CFDP1: variants seen among roughly 807,000 people sequenced by gnomAD.
CFDP1 encodes the protein chromatin remodeling protein CFDP1.
CFDP1 carries 31 observed loss-of-function variants against 40.1 expected under a neutral mutation model. The observed-to-expected ratio is 0.77, with a 90% CI of 0.58 to 1.04. The LOEUF (loss-of-function observed/expected upper bound fraction) is 1.04. Among genes scored for constraint, CFDP1 ranks in the 50% least tolerant of loss-of-function variants. CFDP1 has a pLI of 0.00. For missense variants in CFDP1, 423 were observed against 343.4 expected, an observed-to-expected ratio of 1.23 and a Z score of -1.83; for synonymous variants, 167 against 120.0, an observed-to-expected ratio of 1.39 and a Z score of -2.56.
chr16:75,310,385 G>A (rs2078287630), intron 5 of CFDP1, among the ~76,000 whole-genome samples: 1 of 152,072 alleles, frequency 6.6e-6, no homozygotes, highest in Non-Finnish European at 1.5e-5. Flanking sequence ...CATAACACCA[G>A]ACACCAACCA....
intron 5 of CFDP1, among the ~76,000 whole-genome samples, chr16:75,338,878 A>G (rs1669400752): frequency 6.6e-6 from 1 of 152,110 alleles, no homozygotes; most frequent in South Asian, 2.1e-4. Flanking sequence ...CTTGCGTGTT[A>G]CCAGAAGACT....
intron 6 of CFDP1, among the ~76,000 whole-genome samples, chr16:75,296,657 G>A (rs1016016909): frequency 6.6e-6 from 1 of 152,232 alleles, no homozygotes; most frequent in Admixed American, 6.5e-5. Context: ...CAAGAGTGAA[G>A]CCCAGGTTGG....
chr16:75,302,993 A>G (rs2078231300), intron 6 of CFDP1, among the ~76,000 whole-genome samples: 1 of 152,182 alleles, frequency 6.6e-6, no homozygotes, highest in South Asian at 2.1e-4. Flanking sequence ...CGAGGTCAGG[A>G]GTTTGAGACC....
chr16:75,323,227 TA>T (rs1270697879), intron 5 of CFDP1, among the ~76,000 whole-genome samples: 1,743 of 143,500 alleles, frequency 0.012, 35 homozygotes, highest in African/African-American at 0.038. Flanking sequence ...TTTTTAACGT[TA>T]AAAAAAAAAA....
chr16:75,380,043 C>G (rs1234033513), intron 5 of CFDP1: 1 of 151,500 alleles, frequency 6.6e-6, no homozygotes, highest in Non-Finnish European at 1.5e-5. Flanking sequence ...GAAGCTGAGG[C>G]AGGAAAATCG....
intron 5 of CFDP1, among the ~76,000 whole-genome samples, chr16:75,349,819 A>T (rs1403125334): frequency 6.7e-6 from 1 of 150,064 alleles, no homozygotes; most frequent in Non-Finnish European, 1.5e-5. Flanking sequence ...ATATTAGAGC[A>T]TACCATCTGG....
At chr16:75,323,461 G>T (rs571313722) in intron 5 of CFDP1, among the ~76,000 whole-genome samples, 1 of 151,004 alleles carries the variant, frequency 6.6e-6, no homozygotes, top group African/African-American at 2.4e-5. Flanking sequence ...CAAGTAGAAG[G>T]AATACACTCT....
intron 1 of CFDP1, among the ~76,000 whole-genome samples, chr16:75,430,924 A>T (rs534544583): frequency 6.6e-6 from 1 of 152,228 alleles, no homozygotes; most frequent in Non-Finnish European, 1.5e-5. Context: ...GGCCCAAAAC[A>T]GTCTCTCAGG....
intron 6 of CFDP1, among the ~76,000 whole-genome samples, chr16:75,295,754 C>T (rs1226568323): frequency 1.3e-5 from 2 of 152,202 alleles, no homozygotes; most frequent in Non-Finnish European, 2.9e-5. Flanking sequence ...AAATTACAGG[C>T]TGCCTGGCTG....
intron 5 of CFDP1, among the ~76,000 whole-genome samples, chr16:75,340,204 CGATGATCCTGT>C (rs1374454034): frequency 7.2e-5 from 11 of 152,312 alleles, no homozygotes; most frequent in Admixed American, 6.5e-4. Context: ...AATGCTCCTA[CGATGATCCTGT>C]AACAGAGGTA....
intron 5 of CFDP1, among the ~76,000 whole-genome samples, chr16:75,343,689 A>G (rs1421427233): frequency 6.6e-6 from 1 of 152,232 alleles, no homozygotes; most frequent in Admixed American, 6.5e-5. Flanking sequence ...AGTAAGTTTC[A>G]GAACTGCCTT....
intron 5 of CFDP1, among the ~76,000 whole-genome samples, chr16:75,310,949 A>G (rs2078289847): frequency 6.6e-6 from 1 of 152,196 alleles, no homozygotes; most frequent in Non-Finnish European, 1.5e-5. Flanking sequence ...ATTACTGAGA[A>G]CTTACTCTCT....
At chr16:75,332,796 TTC>T (rs2078455805) in intron 5 of CFDP1, among the ~76,000 whole-genome samples, 1 of 151,158 alleles carries the variant, frequency 6.6e-6, no homozygotes, top group Non-Finnish European at 1.5e-5. Context: ...CCTATTCATG[TTC>T]TTTTTTTTTT....
At chr16:75,334,318 C>T (rs1183416633) in intron 5 of CFDP1, among the ~76,000 whole-genome samples, 5 of 151,598 alleles carry the variant, frequency 3.3e-5, no homozygotes, top group African/African-American at 4.9e-5. Flanking sequence ...AAACAACAGA[C>T]GGGTAAAAAG....
At chr16:75,421,808 C>T (rs996344806) in intron 1 of CFDP1, among the ~76,000 whole-genome samples, 6 of 152,144 alleles carry the variant, frequency 3.9e-5, no homozygotes, top group Admixed American at 6.5e-5. Context: ...CGACAAAATA[C>T]GGCTGTCCCT....
chr16:75,343,374 A>T (rs1427070526), intron 5 of CFDP1, among the ~76,000 whole-genome samples: 1 of 152,108 alleles, frequency 6.6e-6, no homozygotes, highest in East Asian at 1.9e-4. Flanking sequence ...GTCCTCAAGG[A>T]GTCGTGGAAC....
chr16:75,394,843 A>T, intron 5 of CFDP1: 2 of 271,358 alleles, frequency 7.4e-6, no homozygotes, highest in Non-Finnish European at 1.4e-5. Flanking sequence ...TTTTTTTTTT[A>T]AGAGACAGGG....
chr16:75,413,811 G>A (rs1306551481), intron 2 of CFDP1, among the ~76,000 whole-genome samples: 1 of 152,152 alleles, frequency 6.6e-6, no homozygotes. Flanking sequence ...TAATTTTCAT[G>A]GGAAAAGAAG....
intron 1 of CFDP1, among the ~76,000 whole-genome samples, chr16:75,416,541 G>A (rs1269298842): frequency 2.7e-5 from 4 of 150,610 alleles, no homozygotes; most frequent in African/African-American, 7.3e-5. Context: ...CAGGTGGTTC[G>A]CCTGAGCCCA....
Sources: allele counts gnomAD v4.1 joint callset (sites outside exome capture counted in the v4.1 genomes callset), GRCh38; gene constraint gnomAD v4.1.1; transcripts MANE v1.5; gene names NCBI Gene and HGNC (gene_info 2026-07-23, HGNC 2026-07-21).